Variants in MBD5 observed in about 807,000 individuals in gnomAD.
MBD5 encodes the protein methyl-CpG-binding domain protein 5.
MBD5 carries 13 observed loss-of-function variants against 117.3 expected under a neutral mutation model. The ratio of observed to expected loss-of-function variants is 0.11; its 90% CI spans 0.07 to 0.18. MBD5 has a LOEUF of 0.18. Among genes scored for constraint, MBD5 ranks in the 10% least tolerant of loss-of-function variants. MBD5 has a pLI of 1.00. For synonymous variants in MBD5, 727 were observed against 766.4 expected (o/e 0.95, Z 0.85); for missense variants, 1,879 against 2,093.8 (o/e 0.90, Z 2.00).
chr2:148,076,519 A>T (rs1695514644), intron 1 of MBD5, among the ~76,000 whole-genome samples: 1 of 152,182 alleles, frequency 6.6e-6, no homozygotes, highest in East Asian at 1.9e-4. Flanking sequence ...AAAGACAAAA[A>T]AAGAGGCCTC....
At chr2:148,077,013 G>T (rs956310339) in intron 1 of MBD5, among the ~76,000 whole-genome samples, 1 of 152,158 alleles carries the variant, frequency 6.6e-6, no homozygotes, top group Non-Finnish European at 1.5e-5. Flanking sequence ...ATGAATGAAG[G>T]GGACTATGCA....
chr2:148,446,602 C>CTA (rs1553516216), intron 4 of MBD5, among the ~76,000 whole-genome samples: 33 of 148,896 alleles, frequency 2.2e-4, no homozygotes, highest in East Asian at 9.9e-4. Flanking sequence ...GATTATTTAT[C>CTA]TGTGTGTGTG....
intron 1 of MBD5, among the ~76,000 whole-genome samples, chr2:148,116,708 T>C (rs141142874): frequency 9.8e-5 from 15 of 152,358 alleles, no homozygotes; most frequent in African/African-American, 3.6e-4. Flanking sequence ...CATTCCTGTT[T>C]CTTGCAGTAT....
At chr2:148,236,476 T>A (rs1700094785) in intron 3 of MBD5, among the ~76,000 whole-genome samples, 2 of 152,188 alleles carry the variant, frequency 1.3e-5, no homozygotes, top group African/African-American at 4.8e-5. Flanking sequence ...TTGTATATCT[T>A]CATCACAGCT....
chr2:148,274,212 C>T (rs939914370), intron 3 of MBD5, among the ~76,000 whole-genome samples: 1 of 152,114 alleles, frequency 6.6e-6, no homozygotes, highest in African/African-American at 2.4e-5. Context: ...TCACCCCCGA[C>T]ACCACCACAC....
chr2:148,076,434 T>A (rs559877095), intron 1 of MBD5, among the ~76,000 whole-genome samples: 2 of 152,192 alleles, frequency 1.3e-5, no homozygotes, highest in African/African-American at 4.8e-5. Context: ...CAGCAGCATC[T>A]CTTTTTGTAA....
At chr2:148,473,710 C>A (rs771537940) in intron 8 of MBD5, among the ~76,000 whole-genome samples, 4 of 152,066 alleles carry the variant, frequency 2.6e-5, no homozygotes, top group Non-Finnish European at 4.4e-5. Flanking sequence ...AAACATACAA[C>A]TTAAGCATGG....
At chr2:148,052,021 A>G (rs2105764380) in intron 1 of MBD5, among the ~76,000 whole-genome samples, 1 of 151,934 alleles carries the variant, frequency 6.6e-6, no homozygotes, top group Middle Eastern at 3.4e-3. Context: ...TCTTGTTATC[A>G]TTCCTAATTT....
chr2:148,123,901 C>G (rs573657905), intron 1 of MBD5, among the ~76,000 whole-genome samples: 39 of 152,258 alleles, frequency 2.6e-4, no homozygotes, highest in Middle Eastern at 3.4e-3. Flanking sequence ...GGACAGATTA[C>G]TTCGGTGGTG....
intron 13 of MBD5, 69 bp from the exon 14 acceptor site, chr2:148,512,801 A>G: frequency 2.1e-6 from 3 of 1,429,132 alleles, no homozygotes; most frequent in Non-Finnish European, 3.0e-6. Flanking sequence ...CTCCTTTGTC[A>G]GAAATTTTAT....
At chr2:148,076,906 A>T (rs1003903544) in intron 1 of MBD5, among the ~76,000 whole-genome samples, 5 of 152,248 alleles carry the variant, frequency 3.3e-5, no homozygotes, top group Admixed American at 2.6e-4. Context: ...GAGATTGGCA[A>T]ACTATTGCCT....
intron 1 of MBD5, among the ~76,000 whole-genome samples, chr2:148,169,605 T>TAGGG (rs1314292196): frequency 1.3e-5 from 2 of 152,194 alleles, no homozygotes; most frequent in Non-Finnish European, 2.9e-5. Context: ...GCAGATCTGA[T>TAGGG]AGACATTTTT....
chr2:148,102,049 C>T (rs1462085420), intron 1 of MBD5, among the ~76,000 whole-genome samples: 1 of 152,106 alleles, frequency 6.6e-6, no homozygotes, highest in Non-Finnish European at 1.5e-5. Flanking sequence ...TCCAGGAAGG[C>T]CTGAATTAAA....
intron 2 of MBD5, among the ~76,000 whole-genome samples, chr2:148,200,278 G>A (rs1239111341): frequency 6.6e-6 from 1 of 151,854 alleles, no homozygotes; most frequent in African/African-American, 2.4e-5. Flanking sequence ...ACCGAGGCAG[G>A]GTTTTTGCAA....
chr2:148,096,464 G>A (rs1696071035), intron 1 of MBD5, among the ~76,000 whole-genome samples: 1 of 152,178 alleles, frequency 6.6e-6, no homozygotes, highest in Admixed American at 6.6e-5. Context: ...AGAAAGTGAT[G>A]TACATCTCTC....
chr2:148,445,463 A>G (rs1322375213), intron 4 of MBD5, among the ~76,000 whole-genome samples: 1 of 151,302 alleles, frequency 6.6e-6, no homozygotes, highest in African/African-American at 2.5e-5. Flanking sequence ...AAAGGACATG[A>G]ACTCATCAAT....
intron 1 of MBD5, among the ~76,000 whole-genome samples, chr2:148,134,253 TAGAA>T (rs1574050341): frequency 6.8e-6 from 1 of 147,754 alleles, no homozygotes; most frequent in East Asian, 2.0e-4. Context: ...GATCTACCGA[TAGAA>T]AGTAATAGAG....
At chr2:148,070,586 A>G (rs1463993205) in intron 1 of MBD5, among the ~76,000 whole-genome samples, 1 of 152,116 alleles carries the variant, frequency 6.6e-6, no homozygotes, top group Non-Finnish European at 1.5e-5. Context: ...TCTCCAGTTT[A>G]TATTTCACTG....
chr2:148,032,861 G>A (rs1421251522), intron 1 of MBD5, among the ~76,000 whole-genome samples: 2 of 151,806 alleles, frequency 1.3e-5, no homozygotes, highest in African/African-American at 4.8e-5. Flanking sequence ...ACCAGTCAAC[G>A]TAGTGTCATA....
Sources: allele counts gnomAD v4.1 joint callset (sites outside exome capture counted in the v4.1 genomes callset), GRCh38; gene constraint gnomAD v4.1.1; transcripts MANE v1.5; gene names NCBI Gene and HGNC (gene_info 2026-07-23, HGNC 2026-07-21).